The following VEGFC variants were observed in gnomAD, a reference collection of about 807,000 sequenced individuals.
VEGFC encodes FLT4 ligand DHM.
In VEGFC, 12 loss-of-function variants were observed where a neutral mutation model predicts 46.1. The ratio of observed to expected loss-of-function variants is 0.26; its 90% CI spans 0.17 to 0.42. The LOEUF is 0.42. Among genes scored for constraint, VEGFC ranks in the 10% least tolerant of loss-of-function variants. The probability of loss-of-function intolerance (pLI) is 1.00; values close to 1 mark genes in which losing one functional copy is unlikely to be tolerated. For missense variants in VEGFC, 488 were observed against 529.4 expected, an observed-to-expected ratio of 0.92 and a Z score of 0.77; for synonymous variants, 232 against 195.5, an observed-to-expected ratio of 1.19 and a Z score of -1.56.
intron 1 of VEGFC, among the ~76,000 whole-genome samples, chr4:176,747,495 T>C (rs1735276765): frequency 6.6e-6 from 1 of 151,950 alleles, no homozygotes. Flanking sequence ...ACCATGTAAA[T>C]AACAATCAAG....
chr4:176,771,373 C>T (rs1735719268), intron 1 of VEGFC, among the ~76,000 whole-genome samples: 1 of 152,060 alleles, frequency 6.6e-6, no homozygotes, highest in African/African-American at 2.4e-5. Flanking sequence ...AATGTCTTTC[C>T]ATGTCAAATC....
At chr4:176,784,737 A>T (rs1345460166) in intron 1 of VEGFC, among the ~76,000 whole-genome samples, 1 of 139,534 alleles carries the variant, frequency 7.2e-6, no homozygotes, top group Non-Finnish European at 1.5e-5. Flanking sequence ...AGCCTGGGCT[A>T]CAGAGCCAGA....
At chr4:176,704,064 G>C (rs1017426334) in intron 4 of VEGFC, among the ~76,000 whole-genome samples, 1 of 151,998 alleles carries the variant, frequency 6.6e-6, no homozygotes, top group African/African-American at 2.4e-5. Flanking sequence ...AGTTATTCTT[G>C]AACCTTTCTA....
intron 1 of VEGFC, among the ~76,000 whole-genome samples, chr4:176,785,994 CACT>C (rs66529252): frequency 6.6e-6 from 1 of 151,756 alleles, no homozygotes; most frequent in Non-Finnish European, 1.5e-5. Context: ...AAGTAATCAC[CACT>C]ATCATCGCCA....
rs117866259 is a variant in VEGFC at position 176,687,638 on chromosome 4, A to G, written c.812-118T>C. On this transcript the variant is annotated intron_variant, in intron 5 of 6. Transcript: ENST00000618562. The stretch of plus-strand genomic sequence containing the variant: ...GTTTTCCATCAAAGGATTGGGTACA[A>G]ACATGAGTATGTTCCTTTATAAAGG... The G allele has an allele frequency of 9.7e-5, 109 of 1,119,072 alleles. No individual in the cohort carries two copies. The East Asian group carries it at 2.7e-3, about 27-fold the overall frequency. 69.3% of individuals were successfully genotyped at this position (1,119,072 alleles called of 1,614,324 possible). A position where few individuals can be genotyped will look rare whatever the true frequency, so the allele number is the denominator to read the frequency against.
At chr4:176,760,428 G>A (rs376606026) in intron 1 of VEGFC, among the ~76,000 whole-genome samples, 19 of 152,220 alleles carry the variant, frequency 1.2e-4, no homozygotes, top group East Asian at 3.9e-4. Context: ...ATCTTTTAGC[G>A]GTTGGTAGAT....
intron 4 of VEGFC, among the ~76,000 whole-genome samples, chr4:176,708,239 A>G (rs1734569299): frequency 6.6e-6 from 1 of 151,704 alleles, no homozygotes; most frequent in Non-Finnish European, 1.5e-5. Flanking sequence ...TGCATATGTA[A>G]TTTGATATAT....
At chr4:176,746,695 T>C (rs902960600) in intron 1 of VEGFC, among the ~76,000 whole-genome samples, 1 of 152,118 alleles carries the variant, frequency 6.6e-6, no homozygotes, top group African/African-American at 2.4e-5. Flanking sequence ...TTTTGATTGG[T>C]TGATGCTGTG....
At chr4:176,766,965 G>A (rs1339425092) in intron 1 of VEGFC, among the ~76,000 whole-genome samples, 4 of 148,840 alleles carry the variant, frequency 2.7e-5, no homozygotes, top group African/African-American at 2.5e-5. Context: ...GGAAAAACAA[G>A]AAAAAATCAC....
intron 1 of VEGFC, among the ~76,000 whole-genome samples, chr4:176,749,397 T>G (rs1202430791): frequency 6.6e-6 from 1 of 151,952 alleles, no homozygotes; most frequent in Non-Finnish European, 1.5e-5. Flanking sequence ...GCTCCTTTCA[T>G]TCCAAGTTAT....
intron 1 of VEGFC, among the ~76,000 whole-genome samples, chr4:176,746,466 C>T (rs539031127): frequency 6.6e-6 from 1 of 152,180 alleles, no homozygotes; most frequent in East Asian, 1.9e-4. Context: ...GTGTTCTGCA[C>T]TATCATTGCA....
At chr4:176,789,506 TATAAG>T (rs1311312407) in intron 1 of VEGFC, among the ~76,000 whole-genome samples, 1 of 152,220 alleles carries the variant, frequency 6.6e-6, no homozygotes, top group East Asian at 1.9e-4. Context: ...AGAAATCTCT[TATAAG>T]AGTAGATGTT....
chr4:176,756,877 A>C (rs1034852289), intron 1 of VEGFC, among the ~76,000 whole-genome samples: 1 of 152,094 alleles, frequency 6.6e-6, no homozygotes, highest in Non-Finnish European at 1.5e-5. Context: ...AAATGGATGG[A>C]TTTGGAATAT....
Position 176,792,570 on chromosome 4 carries a change from T to G in VEGFC, c.-259A>C. 1 of 345,100 alleles carries G rather than the reference T, an allele frequency of 2.9e-6. No homozygotes were observed. The highest frequency in any genetic ancestry group is 2.1e-5 in the African/African-American group (1 of 46,650). The allele number at this position is 345,100 out of a possible 1,614,324, so 21.4% of individuals were successfully genotyped here. A position where few individuals can be genotyped will look rare whatever the true frequency, so the allele number is the denominator to read the frequency against. ...CTCACAGGAAACCGGACATCCGAGCTCCCCGCATTCGGAGCCCGCGAGGTG... is the reference window on the plus strand; with the variant it reads ...CTCACAGGAAACCGGACATCCGAGCGCCCCGCATTCGGAGCCCGCGAGGTG... On this transcript the variant is annotated 5_prime_UTR_variant, in exon 1 of 7. Transcript: ENST00000618562. This position sits in a 1 kb window ranked among gnomAD's most constrained non-coding sequence, Gnocchi z 6.3.
At chr4:176,705,239 G>A (rs1480838320) in intron 4 of VEGFC, among the ~76,000 whole-genome samples, 1 of 151,978 alleles carries the variant, frequency 6.6e-6, no homozygotes, top group African/African-American at 2.4e-5. Flanking sequence ...GAAAATCTAG[G>A]GGATCGCTAC....
At chr4:176,709,235 A>T (rs961099669) in intron 4 of VEGFC, among the ~76,000 whole-genome samples, 1 of 152,330 alleles carries the variant, frequency 6.6e-6, no homozygotes, top group Non-Finnish European at 1.5e-5. Context: ...TATCTGTAAA[A>T]TAAGGCAAAT....
Position 176,773,407 on chromosome 4 carries a change from C to T in VEGFC, c.147+18758G>A, listed in dbSNP as rs946820234. Among the ~76,000 whole-genome samples, 7 of 152,150 alleles carry T rather than the reference C, an allele frequency of 4.6e-5. No individual in the cohort carries two copies. The South Asian group carries it at 1.2e-3, about 27-fold the overall frequency. ...GCCACTACAGTTAGATTTTGTTACA[C>T]ACAAACAAATCCCATTTTAACTGAT... On this transcript the variant is annotated intron_variant, in intron 1 of 6. Coordinates refer to ENST00000618562, the MANE Select transcript of VEGFC (RefSeq NM_005429.5).
Position 176,792,566 on chromosome 4 carries a change from G to A in VEGFC, c.-255C>T. ...AAGCCTCACAGGAAACCGGACATCCGAGCTCCCCGCATTCGGAGCCCGCGA... is the reference window on the plus strand; with the variant it reads ...AAGCCTCACAGGAAACCGGACATCCAAGCTCCCCGCATTCGGAGCCCGCGA... On this transcript the variant is annotated 5_prime_UTR_variant, in exon 1 of 7. Transcript: ENST00000618562. This position sits in a 1 kb window ranked among gnomAD's most constrained non-coding sequence, Gnocchi z 6.3. 1 of 360,186 alleles carries A rather than the reference G, an allele frequency of 2.8e-6. No homozygotes were observed. Among genetic ancestry groups the A allele is most frequent in the Non-Finnish European group, 4.9e-6 (1 of 202,552 alleles). 22.3% of individuals were successfully genotyped at this position (360,186 alleles called of 1,614,324 possible). A position where few individuals can be genotyped will look rare whatever the true frequency, so the allele number is the denominator to read the frequency against.
intron 4 of VEGFC, among the ~76,000 whole-genome samples, chr4:176,688,641 ACCTT>A (rs1734091500): frequency 2.0e-5 from 2 of 99,856 alleles, no homozygotes; most frequent in Non-Finnish European, 4.2e-5. Flanking sequence ...CTTTCTTCCC[ACCTT>A]CCTTCCTTGT....
Sources: gnomAD v4.1 joint callset for allele counts (sites outside exome capture counted in the v4.1 genomes callset) on GRCh38, gnomAD v4.1.1 for gene constraint, Gnocchi (gnomAD v3.1) non-coding constraint, MANE v1.5 for transcripts, NCBI Gene and HGNC (gene_info 2026-07-23, HGNC 2026-07-21) for gene names.